Variants in NEBL observed in about 807,000 individuals in gnomAD.
NEBL encodes nebulette.
Under a neutral mutation model 140.2 loss-of-function variants are expected in NEBL, and 122 were observed. That is an observed-to-expected ratio of 0.87 (90% CI 0.75 to 1.01). NEBL has a LOEUF of 1.01. Among genes scored for constraint, NEBL ranks in the 50% least tolerant of loss-of-function variants. NEBL has a pLI of 0.00. For synonymous variants in NEBL, 436 were observed against 398.9 expected, an observed-to-expected ratio of 1.09 and a Z score of -1.11; for missense variants, 1,365 against 1,231.3, an observed-to-expected ratio of 1.11 and a Z score of -1.62.
intron 3 of NEBL, among the ~76,000 whole-genome samples, chr10:21,221,967 G>A (rs1306056613): frequency 6.6e-6 from 1 of 151,964 alleles, no homozygotes; most frequent in South Asian, 2.1e-4. Flanking sequence ...CCCCCTAGAA[G>A]GAGGTAGTGA....
chr10:21,100,183 T>C (rs1837407640), intron 2 of NEBL, among the ~76,000 whole-genome samples: 1 of 152,182 alleles, frequency 6.6e-6, no homozygotes, highest in African/African-American at 2.4e-5. Flanking sequence ...TCTGCTGCTG[T>C]GATCACCCCC....
At chr10:21,025,362 T>C (rs1340088419) in intron 2 of NEBL, among the ~76,000 whole-genome samples, 1 of 152,146 alleles carries the variant, frequency 6.6e-6, no homozygotes, top group Non-Finnish European at 1.5e-5. Flanking sequence ...GAGCTGACAG[T>C]TGCAACAAAT....
At chr10:21,034,440 A>G (rs992794578) in intron 2 of NEBL, among the ~76,000 whole-genome samples, 2 of 152,178 alleles carry the variant, frequency 1.3e-5, no homozygotes, top group African/African-American at 4.8e-5. Context: ...AGTCCAGAAA[A>G]GATCCAACAT....
chr10:20,982,308 C>T (rs1010400951), intron 3 of NEBL, among the ~76,000 whole-genome samples: 2 of 152,222 alleles, frequency 1.3e-5, no homozygotes, highest in African/African-American at 4.8e-5. Flanking sequence ...AGTCTAACTT[C>T]AGGCATCAGT....
chr10:21,149,921 T>A (rs184533774), intron 2 of NEBL, among the ~76,000 whole-genome samples: 6 of 152,252 alleles, frequency 3.9e-5, no homozygotes, highest in African/African-American at 9.6e-5. Context: ...CCCTCACACA[T>A]CTGGTCACAG....
At chr10:20,984,753 C>T (rs536055128) in intron 3 of NEBL, among the ~76,000 whole-genome samples, 25 of 152,182 alleles carry the variant, frequency 1.6e-4, no homozygotes, top group Admixed American at 4.6e-4. Flanking sequence ...GGACTGGTAC[C>T]GGTCCATGGC....
At chr10:20,896,483 C>CATATATATATAGATAT (rs1847491452) in intron 2 of NEBL, among the ~76,000 whole-genome samples, 1 of 88,080 alleles carries the variant, frequency 1.1e-5, no homozygotes, top group Non-Finnish European at 2.3e-5. Flanking sequence ...ATATTATATG[C>CATATATATATAGATAT]ATATATATAT....
chr10:21,002,292 A>G (rs1354650684), intron 3 of NEBL, among the ~76,000 whole-genome samples: 1 of 152,188 alleles, frequency 6.6e-6, no homozygotes, highest in Non-Finnish European at 1.5e-5. Context: ...TATGCAGGAA[A>G]AAACGTCATA....
At chr10:21,073,924 A>T (rs942596569) in intron 2 of NEBL, among the ~76,000 whole-genome samples, 30 of 152,006 alleles carry the variant, frequency 2.0e-4, no homozygotes, top group African/African-American at 6.5e-4. Context: ...AATACAAAAA[A>T]ATTAGCCGGA....
intron 3 of NEBL, among the ~76,000 whole-genome samples, chr10:21,224,902 G>A (rs187834488): frequency 2.0e-5 from 3 of 152,132 alleles, no homozygotes; most frequent in Admixed American, 1.3e-4. Context: ...TAGTTTTTTG[G>A]TGGAGTCCTC....
chr10:21,235,555 T>C (rs1201622737), intron 3 of NEBL, among the ~76,000 whole-genome samples: 6 of 152,148 alleles, frequency 3.9e-5, no homozygotes, highest in Non-Finnish European at 5.9e-5. Flanking sequence ...CCTCCAGCGA[T>C]GCAGCCACCT....
intron 2 of NEBL, among the ~76,000 whole-genome samples, chr10:21,035,222 T>C (rs1165254853): frequency 6.6e-6 from 1 of 152,154 alleles, no homozygotes; most frequent in African/African-American, 2.4e-5. Flanking sequence ...GTTTTCAAAC[T>C]CCTGGCCTCA....
chr10:21,288,818 GTGTATATATATATATATATATATA>G (rs1164302641), intron 1 of NEBL, among the ~76,000 whole-genome samples: 1 of 32,668 alleles, frequency 3.1e-5, no homozygotes, highest in Non-Finnish European at 5.3e-5. Context: ...ACGTGTGTGT[GTGTATATATATATATATATATATA>G]TATATATAAA....
intron 4 of NEBL, among the ~76,000 whole-genome samples, chr10:20,916,554 G>A (rs1342481143): frequency 6.6e-6 from 1 of 152,068 alleles, no homozygotes; most frequent in African/African-American, 2.4e-5. Context: ...TTACAGGCAT[G>A]CACCACTACC....
chr10:21,162,151 C>A (rs1361925718), intron 2 of NEBL, among the ~76,000 whole-genome samples: 2 of 152,172 alleles, frequency 1.3e-5, no homozygotes, highest in African/African-American at 4.8e-5. Context: ...TTGATGATTG[C>A]ACCAATGTGC....
chr10:20,811,648 T>C (rs1564344597), intron 24 of NEBL, among the ~76,000 whole-genome samples: 1 of 152,338 alleles, frequency 6.6e-6, no homozygotes, highest in East Asian at 1.9e-4. Context: ...TGCTCTGACT[T>C]TAGCACCCTG....
chr10:21,091,010 C>T (rs947877916), intron 2 of NEBL, among the ~76,000 whole-genome samples: 5 of 152,094 alleles, frequency 3.3e-5, no homozygotes, highest in Non-Finnish European at 5.9e-5. Flanking sequence ...CAACTAGAAC[C>T]TCAGCACAAT....
intron 4 of NEBL, among the ~76,000 whole-genome samples, chr10:20,881,551 AG>A (rs1846017176): frequency 6.6e-6 from 1 of 152,234 alleles, no homozygotes; most frequent in African/African-American, 2.4e-5. Flanking sequence ...TGGAAATTAA[AG>A]AAGAACCTAA....
At chr10:21,003,042 C>T (rs1271171089) in intron 3 of NEBL, among the ~76,000 whole-genome samples, 2 of 137,446 alleles carry the variant, frequency 1.5e-5, no homozygotes, top group Non-Finnish European at 3.1e-5. Flanking sequence ...GCCCTAATAT[C>T]CCATTTTCTC....
Sources: allele counts gnomAD v4.1 joint callset (sites outside exome capture counted in the v4.1 genomes callset), GRCh38; gene constraint gnomAD v4.1.1; transcripts MANE v1.5; gene names NCBI Gene and HGNC (gene_info 2026-07-23, HGNC 2026-07-21).